SMYD3: variants seen among roughly 807,000 people sequenced by gnomAD.
SMYD3 encodes SET and MYND domain containing 3, also known as histone-lysine N-methyltransferase SMYD3.
Under a neutral mutation model 57.7 loss-of-function variants are expected in SMYD3, and 36 were observed. The observed-to-expected ratio is 0.62, with a 90% confidence interval of 0.48 to 0.82. The LOEUF (loss-of-function observed/expected upper bound fraction) is 0.82, where lower values mean the gene tolerates loss of function less well. Ranked by LOEUF, SMYD3 falls within the 40% of genes least tolerant of loss-of-function variation. The pLI, the probability that SMYD3 is intolerant of heterozygous loss-of-function variation, is 0.00. For synonymous variants in SMYD3, 211 were observed against 195.0 expected (o/e 1.08, Z -0.68); for missense variants, 515 against 538.8 (o/e 0.96, Z 0.44).
At chr1:245,780,006 C>T (rs1558329506) in intron 10 of SMYD3, among the ~76,000 whole-genome samples, 1 of 152,042 alleles carries the variant, frequency 6.6e-6, no homozygotes, top group Non-Finnish European at 1.5e-5. Context: ...TGGGGATAAC[C>T]AAAAAGACAG....
At chr1:245,786,590 C>T (rs1412718091) in intron 10 of SMYD3, among the ~76,000 whole-genome samples, 1 of 151,960 alleles carries the variant, frequency 6.6e-6, no homozygotes, top group African/African-American at 2.4e-5. Context: ...TGAAATATTT[C>T]CAATCAATGC....
At chr1:246,151,181 G>A (rs1432647573) in intron 5 of SMYD3, among the ~76,000 whole-genome samples, 1 of 151,672 alleles carries the variant, frequency 6.6e-6, no homozygotes, top group Non-Finnish European at 1.5e-5. Flanking sequence ...AGGGGACAGA[G>A]GTTGCAGTGA....
intron 5 of SMYD3, among the ~76,000 whole-genome samples, chr1:246,074,070 G>A (rs1346094046): frequency 6.6e-6 from 1 of 152,098 alleles, no homozygotes; most frequent in Non-Finnish European, 1.5e-5. Flanking sequence ...TGTGATTTTT[G>A]TTCTTTTAGC....
Position 245,828,483 on chromosome 1 carries a change from A to AT in SMYD3, c.1076+30012dup, listed in dbSNP as rs201322590. On this transcript the variant is annotated intron_variant, in intron 10 of 11. Coordinates refer to ENST00000490107, the MANE Select transcript of SMYD3 (RefSeq NM_001167740.2). ...AGTTAATGAAACACTTGAACACATT[A>AT]TTTTTTTTTGATGATAGGTCATTAT... 1.3e-3 allele frequency among the ~76,000 whole-genome samples: 192 copies of AT among 151,208 alleles called. 2 individuals carry two copies. The highest frequency in any genetic ancestry group is 4.1e-3 in the African/African-American group (171 of 41,314).
At chr1:246,201,982 C>A (rs2062929381) in intron 5 of SMYD3, among the ~76,000 whole-genome samples, 1 of 150,606 alleles carries the variant, frequency 6.6e-6, no homozygotes, top group Admixed American at 6.6e-5. Flanking sequence ...CATTGCACTC[C>A]AGCCTGGGCA....
chr1:246,176,519 T>C (rs991226292), intron 5 of SMYD3, among the ~76,000 whole-genome samples: 9 of 152,184 alleles, frequency 5.9e-5, no homozygotes, highest in Middle Eastern at 3.2e-3. Context: ...GATTAATGCT[T>C]ATATAGGCTT....
chr1:246,085,581 T>C (rs527795529), intron 5 of SMYD3, among the ~76,000 whole-genome samples: 1 of 152,186 alleles, frequency 6.6e-6, no homozygotes, highest in South Asian at 2.1e-4. Context: ...AACAAATAGG[T>C]CTTACTAAGC....
At chr1:245,822,511 A>C (rs1363623433) in intron 10 of SMYD3, among the ~76,000 whole-genome samples, 1 of 151,224 alleles carries the variant, frequency 6.6e-6, no homozygotes, top group Non-Finnish European at 1.5e-5. Context: ...ACTAACCTGC[A>C]CAATGTGCAC....
chr1:245,891,706 G>T (rs1002959737), intron 8 of SMYD3, among the ~76,000 whole-genome samples: 1 of 150,338 alleles, frequency 6.7e-6, no homozygotes, highest in Non-Finnish European at 1.5e-5. Flanking sequence ...GAGAGCCCAG[G>T]TTAGGAAGTG....
chr1:246,130,764 A>G (rs1185407107), intron 5 of SMYD3, among the ~76,000 whole-genome samples: 2 of 152,174 alleles, frequency 1.3e-5, no homozygotes, highest in Non-Finnish European at 2.9e-5. Context: ...CACTGGCTTG[A>G]GAGTTGGGCT....
chr1:245,812,700 C>CAAAAAAAAAAAAAAAAAAAAA (rs201426225), intron 10 of SMYD3, among the ~76,000 whole-genome samples: 2 of 46,604 alleles, frequency 4.3e-5, no homozygotes, highest in Admixed American at 1.9e-4. Flanking sequence ...AACAACAGTT[C>CAAAAAAAAAAAAAAAAAAAAA]CAAAAAAAAA....
At chr1:246,495,210 G>A (rs1273998370) in intron 1 of SMYD3, among the ~76,000 whole-genome samples, 4 of 151,972 alleles carry the variant, frequency 2.6e-5, no homozygotes, top group Non-Finnish European at 4.4e-5. Context: ...TTAGCCAGGC[G>A]TGGTGGCGGG....
rs1260428394 is a variant in SMYD3, at chr1:246,336,218, C to G, written c.229-744G>C. On this transcript the variant is annotated intron_variant, in intron 2 of 11. Transcript: ENST00000490107. ...CAGATGAATGGACTAAAGGGAAGGA[C>G]ACTATCCTTGAGCCTTGGATCAGAA... Among the ~76,000 whole-genome samples the G allele has an allele frequency of 2.0e-5, 3 of 152,286 alleles. No individual in the cohort carries two copies. In the East Asian group the frequency reaches 5.8e-4, roughly 29 times the overall value.
chr1:245,858,192 C>T (rs4654141), intron 10 of SMYD3, among the ~76,000 whole-genome samples: 4 of 152,220 alleles, frequency 2.6e-5, no homozygotes, highest in Admixed American at 6.5e-5. Context: ...ACCCTGAGCC[C>T]GTCTTTGTCA....
rs572096072 is a variant in SMYD3, at chr1:246,277,914, C to T, written c.531+49287G>A. Among the ~76,000 whole-genome samples the T allele has an allele frequency of 6.6e-5, 10 of 152,232 alleles. No individual in the cohort carries two copies. In the South Asian group the frequency reaches 1.9e-3, roughly 28 times the overall value. Reference sequence around the variant, plus strand: ...GGACATATGGCAACTTTTGGGGTCACGGAAAGTTCTGTATCTTCATTGCCA... The same window carrying T: ...GGACATATGGCAACTTTTGGGGTCATGGAAAGTTCTGTATCTTCATTGCCA... On this transcript the variant is annotated intron_variant, in intron 5 of 11. Coordinates refer to ENST00000490107, the MANE Select transcript of SMYD3 (RefSeq NM_001167740.2).
At chr1:246,054,914 G>A (rs1238498185) in intron 5 of SMYD3, among the ~76,000 whole-genome samples, 7 of 146,280 alleles carry the variant, frequency 4.8e-5, no homozygotes, top group South Asian at 2.3e-4. Context: ...GGCGGCTCAC[G>A]CCTGTAATCC....
At chr1:246,463,358 G>A (rs1002538424) in intron 1 of SMYD3, among the ~76,000 whole-genome samples, 2 of 152,274 alleles carry the variant, frequency 1.3e-5, no homozygotes, top group East Asian at 3.9e-4. Context: ...CAGGGAGAGG[G>A]AGAGAGGATG....
At chr1:245,915,462 G>T in intron 8 of SMYD3, 68 bp downstream of exon 8, 1 of 991,506 alleles carries the variant, frequency 1.0e-6, no homozygotes, top group Non-Finnish European at 1.6e-6. Flanking sequence ...TGAAATCTAG[G>T]CAGAGTTCTC....
chr1:246,431,168 T>C (rs2067291703), intron 1 of SMYD3, among the ~76,000 whole-genome samples: 2 of 152,028 alleles, frequency 1.3e-5, no homozygotes, highest in African/African-American at 4.8e-5. Context: ...AGAAAAATAG[T>C]ATCTACAAAG....
Sources: gnomAD v4.1 joint callset for allele counts (sites outside exome capture counted in the v4.1 genomes callset) on GRCh38, gnomAD v4.1.1 for gene constraint, MANE v1.5 for transcripts, NCBI Gene and HGNC (gene_info 2026-07-23, HGNC 2026-07-21) for gene names.